The following PCDH15 variants were observed in gnomAD, a reference collection of about 807,000 sequenced individuals.
The protein encoded by PCDH15 is protocadherin related 15.
A neutral mutation model predicts 178.5 loss-of-function variants in PCDH15; 129 were observed. The observed-to-expected ratio is 0.72, with a 90% CI of 0.63 to 0.84. The LOEUF is 0.84. PCDH15 is among the 40% of genes least tolerant of loss of function. The pLI is 0.00. For missense variants in PCDH15, 2,230 were observed against 2,099.9 expected (o/e 1.06, Z -1.21); for synonymous variants, 800 against 732.0 (o/e 1.09, Z -1.50).
rs200759927 is a variant in PCDH15 at position 54,369,213 on chromosome 10, A to T, written c.381T>A (p.Thr127=). The T allele has an allele frequency of 1.2e-6, 2 of 1,613,060 alleles. No homozygotes were observed. The highest frequency in any genetic ancestry group is 1.3e-5 in the African/African-American group (1 of 74,982). Residue 127 remains threonine (T), a synonymous_variant, in exon 5 of 38, where the codon ACT becomes ACA. Transcript: ENST00000644397. ...CTATTCGCACTTCATGGTAGATAAT[A>T]GTGCCCACTTTTTTGTTGATGCACT... The part of the protein sequence containing the change: ...QVQCINKKVG[T]IIYHEVRIVV...
chr10:55,365,564 C>T (rs913788933), intron 2 of PCDH15, among the ~76,000 whole-genome samples: 1 of 152,086 alleles, frequency 6.6e-6, no homozygotes, highest in Admixed American at 6.6e-5. Flanking sequence ...ACAATTCCTA[C>T]ATGTCATGGG....
intron 1 of PCDH15, among the ~76,000 whole-genome samples, chr10:54,731,563 TACACAC>T (rs1159070523): frequency 8.0e-5 from 4 of 49,918 alleles, no homozygotes; most frequent in African/African-American, 1.9e-4. Context: ...TATATATATA[TACACAC>T]ACACACACAC....
chr10:55,621,374 C>T (rs2132170900), intron 2 of PCDH15, among the ~76,000 whole-genome samples: 1 of 152,154 alleles, frequency 6.6e-6, no homozygotes. Context: ...ACACTGCCAA[C>T]AGAGCAATGG....
At chr10:54,180,117 T>C (rs982435619) in intron 13 of PCDH15, among the ~76,000 whole-genome samples, 2 of 152,206 alleles carry the variant, frequency 1.3e-5, no homozygotes, top group Non-Finnish European at 2.9e-5. Flanking sequence ...TATGTGCTAA[T>C]AATGTGATTA....
At chr10:54,106,340 A>G (rs1876327) in intron 15 of PCDH15, among the ~76,000 whole-genome samples, 87,894 of 152,072 alleles carry the variant, frequency 0.58, 26,190 homozygotes, top group Middle Eastern at 0.67. Context: ...TGGAGTTAGC[A>G]CAGCTTCCTT....
chr10:54,416,256 C>G (rs7916907), intron 3 of PCDH15, among the ~76,000 whole-genome samples: 52,040 of 151,878 alleles, frequency 0.34, 10,453 homozygotes, highest in East Asian at 0.89. Flanking sequence ...ATTGACCCGT[C>G]CTTTAAGTTG....
chr10:55,067,653 G>A (rs201236264), intron 2 of PCDH15, among the ~76,000 whole-genome samples: 5 of 75,044 alleles, frequency 6.7e-5, no homozygotes, highest in Non-Finnish European at 1.3e-4. Context: ...TTTTTTTTTT[G>A]AGAAACTTCC....
intron 2 of PCDH15, among the ~76,000 whole-genome samples, chr10:55,327,108 T>C (rs1844050810): frequency 6.6e-6 from 1 of 151,994 alleles, no homozygotes; most frequent in Non-Finnish European, 1.5e-5. Context: ...GAGATATGAT[T>C]AGGATGTAGG....
chr10:54,658,800 T>C (rs1166126073), intron 2 of PCDH15, among the ~76,000 whole-genome samples: 1 of 152,180 alleles, frequency 6.6e-6, no homozygotes, highest in African/African-American at 2.4e-5. Flanking sequence ...AATATTAATC[T>C]TGAATGAAAA....
At chr10:54,861,960 T>A (rs933776379) in intron 3 of PCDH15, among the ~76,000 whole-genome samples, 2 of 152,120 alleles carry the variant, frequency 1.3e-5, no homozygotes, top group Admixed American at 1.3e-4. Context: ...ACTTTAGGAG[T>A]ATCCTTGACA....
intron 2 of PCDH15, among the ~76,000 whole-genome samples, chr10:54,660,235 T>G (rs1326839258): frequency 6.6e-6 from 1 of 151,980 alleles, no homozygotes; most frequent in African/African-American, 2.4e-5. Context: ...CAATCAGAAA[T>G]AATAAAAATG....
chr10:54,584,025 C>T (rs899520421), intron 2 of PCDH15, among the ~76,000 whole-genome samples: 2 of 152,038 alleles, frequency 1.3e-5, no homozygotes, highest in Admixed American at 6.6e-5. Flanking sequence ...GATACACATG[C>T]TTCAGAATGG....
chr10:54,072,938 C>T (rs1204459742), intron 17 of PCDH15, among the ~76,000 whole-genome samples: 2 of 152,110 alleles, frequency 1.3e-5, no homozygotes, highest in African/African-American at 4.8e-5. Context: ...TTTATATTGT[C>T]TTAAACAGAT....
chr10:55,489,459 A>G (rs942863474), intron 2 of PCDH15, among the ~76,000 whole-genome samples: 2 of 151,696 alleles, frequency 1.3e-5, no homozygotes, highest in African/African-American at 4.8e-5. Context: ...TCACTTTAAA[A>G]TATGTGTTTT....
intron 14 of PCDH15, among the ~76,000 whole-genome samples, chr10:54,142,220 TG>T (rs1484807121): frequency 1.3e-5 from 2 of 152,194 alleles, no homozygotes; most frequent in African/African-American, 4.8e-5. Context: ...TTTTAATTTG[TG>T]ACATTTTAGA....
intron 3 of PCDH15, among the ~76,000 whole-genome samples, chr10:54,428,341 T>G (rs1234922408): frequency 1.3e-5 from 2 of 152,166 alleles, no homozygotes; most frequent in East Asian, 1.9e-4. Context: ...GAAGACTCAG[T>G]TCAAAGTTGT....
At chr10:54,393,194 G>A (rs947416965) in intron 3 of PCDH15, among the ~76,000 whole-genome samples, 14 of 152,178 alleles carry the variant, frequency 9.2e-5, no homozygotes, top group Middle Eastern at 3.4e-3. Context: ...ACACAGTGGT[G>A]GTATGAAGTC....
chr10:54,423,081 A>G (rs1955756569), intron 3 of PCDH15, among the ~76,000 whole-genome samples: 1 of 152,054 alleles, frequency 6.6e-6, no homozygotes, highest in Non-Finnish European at 1.5e-5. Flanking sequence ...CCTCAAATTT[A>G]TGGTGGCTTT....
intron 1 of PCDH15, among the ~76,000 whole-genome samples, chr10:54,727,766 C>A (rs1942776759): frequency 6.6e-6 from 1 of 151,350 alleles, no homozygotes; most frequent in African/African-American, 2.4e-5. Flanking sequence ...CCACTGATTT[C>A]AAAGAAATAA....
Sources: allele counts gnomAD v4.1 joint callset (sites outside exome capture counted in the v4.1 genomes callset), GRCh38; gene constraint gnomAD v4.1.1; transcripts MANE v1.5; gene names NCBI Gene and HGNC (gene_info 2026-07-23, HGNC 2026-07-21).